SLC38A12: variants seen among roughly 807,000 people sequenced by gnomAD.
SLC38A12 encodes solute carrier family 38 member 12.
At chr17:74,828,080 T>C in the SLC38A12 span, among the ~76,000 whole-genome samples, 14 of 152,180 alleles carry the variant, frequency 9.2e-5, no homozygotes, top group Non-Finnish European at 1.6e-4. Context: ...TCATTAGCCC[T>C]GGCATGTTGA....
the SLC38A12 span, among the ~76,000 whole-genome samples, chr17:74,783,685 G>A: frequency 6.6e-6 from 1 of 151,184 alleles, no homozygotes; most frequent in Non-Finnish European, 1.5e-5. Flanking sequence ...TAGCTCCAAG[G>A]CAGGAGTTGG....
At chr17:74,819,552 G>A in the SLC38A12 span, among the ~76,000 whole-genome samples, 1 of 152,206 alleles carries the variant, frequency 6.6e-6, no homozygotes, top group Non-Finnish European at 1.5e-5. Flanking sequence ...AGGGAAGCAT[G>A]GCTCTGGAGC....
At chr17:74,777,640 C>A in the SLC38A12 span, 2 of 1,430,334 alleles carry the variant, frequency 1.4e-6, no homozygotes, top group Admixed American at 2.1e-5. Flanking sequence ...TAATCCCGGG[C>A]TGGGCACGGT....
At chr17:74,799,455 A>T in the SLC38A12 span, among the ~76,000 whole-genome samples, 1 of 152,156 alleles carries the variant, frequency 6.6e-6, no homozygotes, top group Non-Finnish European at 1.5e-5. Context: ...GAGCTGTGAG[A>T]TCCACCTCCG....
At chr17:74,839,499 C>T in the SLC38A12 span, 31 of 202,138 alleles carry the variant, frequency 1.5e-4, no homozygotes, top group African/African-American at 7.1e-4. Context: ...ATCCCTTCCA[C>T]CTGGGGCCAA....
At chr17:74,818,435 G>A in the SLC38A12 span, among the ~76,000 whole-genome samples, 13 of 152,024 alleles carry the variant, frequency 8.6e-5, no homozygotes, top group East Asian at 3.9e-4. Flanking sequence ...TCAGTCCTCC[G>A]CATCACTCAT....
At chr17:74,780,129 T>A in the SLC38A12 span, among the ~76,000 whole-genome samples, 13 of 152,352 alleles carry the variant, frequency 8.5e-5, no homozygotes, top group African/African-American at 2.9e-4. Context: ...GCCTGCTGGT[T>A]CCTGCTGAAG....
At chr17:74,789,512 A>G in the SLC38A12 span, among the ~76,000 whole-genome samples, 3 of 148,290 alleles carry the variant, frequency 2.0e-5, no homozygotes, top group Non-Finnish European at 4.4e-5. Flanking sequence ...CCTGGGCAAC[A>G]GACTGAGATA....
the SLC38A12 span, among the ~76,000 whole-genome samples, chr17:74,829,810 C>T: frequency 6.6e-6 from 1 of 151,590 alleles, no homozygotes; most frequent in Admixed American, 6.6e-5. The surrounding 1 kb of genome is among the most constrained non-coding windows in gnomAD (Gnocchi z 4.1). Context: ...TCCAGTGGTG[C>T]CTGGGAAGGT....
chr17:74,836,212 CCCT>C, the SLC38A12 span: 1 of 1,611,888 alleles, frequency 6.2e-7, no homozygotes, highest in South Asian at 1.1e-5. This position sits in a 1 kb window ranked among gnomAD's most constrained non-coding sequence, Gnocchi z 4.2. Flanking sequence ...GACATGTACA[CCCT>C]CAACTTCGCG....
At chr17:74,809,453 C>T in the SLC38A12 span, among the ~76,000 whole-genome samples, 5 of 152,128 alleles carry the variant, frequency 3.3e-5, no homozygotes, top group South Asian at 4.1e-4. Context: ...CTGTCCCTCC[C>T]GTGCTGTCCA....
the SLC38A12 span, among the ~76,000 whole-genome samples, chr17:74,780,282 C>A: frequency 2.0e-5 from 3 of 152,182 alleles, no homozygotes; most frequent in Admixed American, 6.5e-5. Context: ...ACATCTGCCC[C>A]ATGCAGGTCA....
chr17:74,835,108 C>G, the SLC38A12 span, among the ~76,000 whole-genome samples: 2 of 152,196 alleles, frequency 1.3e-5, no homozygotes, highest in African/African-American at 4.8e-5. Context: ...CCATCAGCAA[C>G]GCAAGCTGTT....
the SLC38A12 span, among the ~76,000 whole-genome samples, chr17:74,789,543 CAAAAAAA>C: frequency 7.2e-5 from 8 of 110,708 alleles, no homozygotes; most frequent in Middle Eastern, 4.9e-3. Context: ...GCAAGCATTT[CAAAAAAA>C]AAAAAAAAAA....
chr17:74,784,020 T>G, the SLC38A12 span, among the ~76,000 whole-genome samples: 4 of 148,758 alleles, frequency 2.7e-5, no homozygotes, highest in Non-Finnish European at 5.9e-5. Context: ...AGCCACTGCA[T>G]CCGTCCTCTT....
the SLC38A12 span, among the ~76,000 whole-genome samples, chr17:74,811,271 A>G: frequency 2.0e-5 from 3 of 151,442 alleles, no homozygotes; most frequent in Non-Finnish European, 4.4e-5. Flanking sequence ...TCAAGGCTGC[A>G]GTGAATCATG....
chr17:74,826,968 TCCCTGACC>T, the SLC38A12 span, among the ~76,000 whole-genome samples: 1 of 152,080 alleles, frequency 6.6e-6, no homozygotes, highest in East Asian at 1.9e-4. Context: ...CTCCTCCCCA[TCCCTGACC>T]CCCAGAGCCC....
At chr17:74,810,042 T>G in the SLC38A12 span, among the ~76,000 whole-genome samples, 1 of 152,220 alleles carries the variant, frequency 6.6e-6, no homozygotes, top group Non-Finnish European at 1.5e-5. Context: ...GTGGCCGCTT[T>G]GGAACACGCT....
At chr17:74,795,087 C>T in the SLC38A12 span, 12 of 1,614,028 alleles carry the variant, frequency 7.4e-6, no homozygotes, top group Non-Finnish European at 8.5e-6. Flanking sequence ...GCTGCCGTGC[C>T]CTTCTCCCTC....
Sources: allele counts gnomAD v4.1 joint callset (sites outside exome capture counted in the v4.1 genomes callset), GRCh38; gene constraint gnomAD v4.1.1; non-coding constraint Gnocchi (gnomAD v3.1); transcripts MANE v1.5; gene names NCBI Gene and HGNC (gene_info 2026-07-23, HGNC 2026-07-21).